CAMK4: variants seen among roughly 807,000 people sequenced by gnomAD.
CAMK4 encodes calcium/calmodulin dependent protein kinase IV.
CAMK4 carries 22 observed loss-of-function variants against 44.9 expected under a neutral mutation model. The observed-to-expected ratio is 0.49, with a 90% CI of 0.35 to 0.70. The LOEUF is 0.70. Among genes scored for constraint, CAMK4 ranks in the 30% least tolerant of loss-of-function variants. The pLI is 0.01. For synonymous variants in CAMK4, 218 were observed against 215.4 expected, an observed-to-expected ratio of 1.01 and a Z score of -0.11; for missense variants, 498 against 586.8, an observed-to-expected ratio of 0.85 and a Z score of 1.56.
intron 4 of CAMK4, among the ~76,000 whole-genome samples, chr5:111,380,430 T>A (rs1000478154): frequency 1.3e-5 from 2 of 152,126 alleles, no homozygotes; most frequent in African/African-American, 4.8e-5. Context: ...TGGCGATTTG[T>A]TGTACAGATT....
chr5:111,342,893 A>G (rs1749701455), intron 1 of CAMK4, among the ~76,000 whole-genome samples: 1 of 151,560 alleles, frequency 6.6e-6, no homozygotes, highest in African/African-American at 2.4e-5. Context: ...TCTTCCTTCC[A>G]TCATTTGTGC....
At chr5:111,414,495 C>T (rs1006129544) in intron 5 of CAMK4, among the ~76,000 whole-genome samples, 7 of 152,056 alleles carry the variant, frequency 4.6e-5, no homozygotes, top group South Asian at 4.1e-4. Flanking sequence ...ATCAAAGATA[C>T]GGCAAAAATG....
At chr5:111,386,350 A>G (rs1158832992) in intron 4 of CAMK4, among the ~76,000 whole-genome samples, 1 of 152,210 alleles carries the variant, frequency 6.6e-6, no homozygotes, top group East Asian at 1.9e-4. Context: ...TTGATCCTTC[A>G]GTACACATTC....
At chr5:111,466,751 T>G (rs184935807) in intron 7 of CAMK4, among the ~76,000 whole-genome samples, 100 of 152,280 alleles carry the variant, frequency 6.6e-4, no homozygotes, top group Non-Finnish European at 5.9e-5. Context: ...ATCAATATTG[T>G]GAAAATGACC....
At chr5:111,298,873 G>A (rs913440177) in intron 1 of CAMK4, among the ~76,000 whole-genome samples, 3 of 152,200 alleles carry the variant, frequency 2.0e-5, no homozygotes, top group Non-Finnish European at 4.4e-5. Flanking sequence ...CTGACAATTG[G>A]CAGAACATAA....
chr5:111,368,529 A>G (rs1005643368), intron 2 of CAMK4, among the ~76,000 whole-genome samples: 1 of 152,132 alleles, frequency 6.6e-6, no homozygotes, highest in Non-Finnish European at 1.5e-5. Flanking sequence ...TGCCCCTGAG[A>G]GTATGGCTAT....
At chr5:111,233,138 G>A (rs768007690) in intron 1 of CAMK4, among the ~76,000 whole-genome samples, 35 of 152,256 alleles carry the variant, frequency 2.3e-4, no homozygotes, top group Non-Finnish European at 2.6e-4. Context: ...CCTAGGTCTG[G>A]TCTGTGGTTT....
At chr5:111,427,380 G>A (rs1180389063) in intron 5 of CAMK4, among the ~76,000 whole-genome samples, 1 of 152,206 alleles carries the variant, frequency 6.6e-6, no homozygotes, top group East Asian at 1.9e-4. Flanking sequence ...AAGGACCTTA[G>A]CCTGTGAAAG....
intron 7 of CAMK4, among the ~76,000 whole-genome samples, chr5:111,451,049 T>G (rs1329064543): frequency 6.6e-6 from 1 of 152,152 alleles, no homozygotes; most frequent in East Asian, 1.9e-4. Flanking sequence ...ATATATTCAT[T>G]GAAGCATATA....
At position 111,382,156 on chromosome 5, in the gene CAMK4, C is replaced by T. The variant is rs998767507; in HGVS notation, c.386+5214C>T. Among the ~76,000 whole-genome samples, 5 of 152,254 alleles carry T rather than the reference C, an allele frequency of 3.3e-5. No individual in the cohort carries two copies. In the East Asian group the frequency reaches 7.7e-4, roughly 23 times the overall value. On this transcript the variant is annotated intron_variant, in intron 4 of 10. Transcript: ENST00000282356. ...GCCCACTCAATAACTCTCTCTTCACCTTTTTTGAGGTATTATTATCCATAT... is the reference window on the plus strand; with the variant it reads ...GCCCACTCAATAACTCTCTCTTCACTTTTTTTGAGGTATTATTATCCATAT...
rs1755578634 is a variant in CAMK4 at position 111,485,387 on chromosome 5, T to C, written c.*921T>C. The C allele has an allele frequency of 2.0e-5, 3 of 152,184 alleles. No homozygotes were observed. In the South Asian group the frequency reaches 6.2e-4, roughly 31 times the overall value. 9.4% of individuals were successfully genotyped at this position (152,184 alleles called of 1,614,324 possible). ...CATTTTAATGGATAAACTCTATAATTACCAAGTTGCAAATATTTAGAAAAT... is the reference window on the plus strand; with the variant it reads ...CATTTTAATGGATAAACTCTATAATCACCAAGTTGCAAATATTTAGAAAAT... On this transcript the variant is annotated 3_prime_UTR_variant, in exon 11 of 11. Transcript: ENST00000282356.
At position 111,232,792 on chromosome 5, in the gene CAMK4, A is replaced by G. The variant is rs2112499497; in HGVS notation, c.161+8148A>G. ...TTTTTTTTTTTTTTAAGGAAAAAACAATCCCATAGCCTATGACTAGGTAAG... is the reference window on the plus strand; with the variant it reads ...TTTTTTTTTTTTTTAAGGAAAAAACGATCCCATAGCCTATGACTAGGTAAG... On this transcript the variant is annotated intron_variant, in intron 1 of 10. Transcript: ENST00000282356. Among the ~76,000 whole-genome samples the G allele has an allele frequency of 2.0e-5, 3 of 152,144 alleles. No homozygotes were observed. The South Asian group carries it at 6.2e-4, about 32-fold the overall frequency.
chr5:111,433,616 G>A (rs1282575038), intron 5 of CAMK4, among the ~76,000 whole-genome samples: 2 of 152,232 alleles, frequency 1.3e-5, no homozygotes, highest in African/African-American at 4.8e-5. Context: ...GGATGGGGAA[G>A]TGGTAAGATT....
chr5:111,323,796 A>C (rs1350698283), intron 1 of CAMK4, among the ~76,000 whole-genome samples: 3 of 152,142 alleles, frequency 2.0e-5, no homozygotes, highest in Non-Finnish European at 2.9e-5. Flanking sequence ...CACTAAATAG[A>C]AGTTCAGATT....
intron 1 of CAMK4, among the ~76,000 whole-genome samples, chr5:111,313,250 T>C (rs1340149297): frequency 2.6e-5 from 4 of 152,124 alleles, no homozygotes; most frequent in African/African-American, 9.7e-5. Context: ...CCCCCAGTTA[T>C]GATAACAGAA....
chr5:111,472,450 A>G (rs538806007), intron 7 of CAMK4, among the ~76,000 whole-genome samples: 3 of 152,314 alleles, frequency 2.0e-5, no homozygotes, highest in East Asian at 1.9e-4. Context: ...TTCTCCATAG[A>G]TGGTGGGGCT....
At chr5:111,264,489 T>C (rs866113729) in intron 1 of CAMK4, among the ~76,000 whole-genome samples, 12 of 152,302 alleles carry the variant, frequency 7.9e-5, no homozygotes, top group South Asian at 2.1e-4. Context: ...TTTCTCCAAT[T>C]TCCTATCAGA....
At chr5:111,366,249 C>G (rs72780370) in intron 2 of CAMK4, among the ~76,000 whole-genome samples, 1,927 of 152,138 alleles carry the variant, frequency 0.013, 33 homozygotes, top group South Asian at 0.025. Flanking sequence ...AGAGACAAAA[C>G]AAGATTTATA....
chr5:111,354,803 C>T (rs1396425002), intron 2 of CAMK4, among the ~76,000 whole-genome samples: 1 of 148,448 alleles, frequency 6.7e-6, no homozygotes, highest in African/African-American at 2.4e-5. Context: ...AACCACCAAC[C>T]TCTCCAGGGA....
Sources: allele counts gnomAD v4.1 joint callset (sites outside exome capture counted in the v4.1 genomes callset), GRCh38; gene constraint gnomAD v4.1.1; transcripts MANE v1.5; gene names NCBI Gene and HGNC (gene_info 2026-07-23, HGNC 2026-07-21).